The following ZFHX3 variants were observed in gnomAD, a reference collection of about 807,000 sequenced individuals.
The protein encoded by ZFHX3 is zinc finger homeobox 3, also known as zinc finger homeobox protein 3.
Under a neutral mutation model 279.1 loss-of-function variants are expected in ZFHX3, and 42 were observed. The ratio of observed to expected loss-of-function variants is 0.15; its 90% CI spans 0.12 to 0.19. The LOEUF (loss-of-function observed/expected upper bound fraction) is 0.19. Among genes scored for constraint, ZFHX3 ranks in the 10% least tolerant of loss-of-function variants. The pLI is 1.00. For synonymous variants in ZFHX3, 2,293 were observed against 1,957.8 expected (o/e 1.17, Z -4.52); for missense variants, 4,981 against 4,754.0 (o/e 1.05, Z -1.40).
At chr16:73,169,285 A>G (rs1054534979) in intron 5 of ZFHX3, among the ~76,000 whole-genome samples, 7 of 152,202 alleles carry the variant, frequency 4.6e-5, no homozygotes, top group African/African-American at 1.7e-4. Context: ...CTAAGGGCAT[A>G]CTCTGAACTT....
chr16:73,407,830 A>C (rs906911105), intron 3 of ZFHX3, among the ~76,000 whole-genome samples: 13 of 152,230 alleles, frequency 8.5e-5, no homozygotes, highest in African/African-American at 3.1e-4. Flanking sequence ...TCAAAGACAG[A>C]CAGCCTGGGG....
intron 2 of ZFHX3, among the ~76,000 whole-genome samples, chr16:73,574,452 C>G (rs2051778133): frequency 6.6e-6 from 1 of 152,140 alleles, no homozygotes; most frequent in African/African-American, 2.4e-5. Flanking sequence ...TTTATTTGCC[C>G]ATCTCTGGAT....
At chr16:73,058,675 C>A in exon 1 of ZFHX3, 1 of 228,262 alleles carries the variant, frequency 4.4e-6, no homozygotes, top group Non-Finnish European at 8.2e-6. Flanking sequence ...CGGGGGTCGG[C>A]GGCGGCGGAG....
chr16:72,814,672 G>C (rs1474775419), intron 5 of ZFHX3, among the ~76,000 whole-genome samples: 1 of 149,208 alleles, frequency 6.7e-6, no homozygotes, highest in Non-Finnish European at 1.5e-5. Flanking sequence ...TTGTGAGCTT[G>C]AGCTAAGGAC....
At chr16:72,835,689 T>C (rs1418996060) in intron 4 of ZFHX3, among the ~76,000 whole-genome samples, 1 of 151,966 alleles carries the variant, frequency 6.6e-6, no homozygotes, top group African/African-American at 2.4e-5. Flanking sequence ...TTTGCTGGTG[T>C]CTCTGTGGTG....
intron 3 of ZFHX3, among the ~76,000 whole-genome samples, chr16:72,933,919 T>C (rs990711401): frequency 1.3e-5 from 2 of 149,940 alleles, no homozygotes; most frequent in Non-Finnish European, 3.0e-5. Flanking sequence ...CCCGGGTTCA[T>C]GCCATTCTCC....
chr16:72,958,342 C>G lies in ZFHX3; in HGVS notation c.1804G>C (p.Ala602Pro), dbSNP rs1188637708. ...DESANKDNATAPEPNESTEGD... is the reference protein window; with the variant it reads ...DESANKDNATPPEPNESTEGD... ...TCTGTGCTTTCATTTGGTTCTGGTGCTGTGGCATTGTCTTTATTGGCACTT... is the reference window on the plus strand; with the variant it reads ...TCTGTGCTTTCATTTGGTTCTGGTGGTGTGGCATTGTCTTTATTGGCACTT... The change falls in exon 2 of 10, where the codon GCA becomes CCA. Residue 602 changes from alanine (A) to proline (P), a missense_variant. By Grantham distance (27) the Ala-to-Pro change is conservative. Coordinates refer to ENST00000268489, the MANE Select transcript of ZFHX3 (RefSeq NM_006885.4). 1 of 1,614,084 alleles carries G rather than the reference C, an allele frequency of 6.2e-7. No individual in the cohort carries two copies. Among genetic ancestry groups the G allele is most frequent in the Admixed American group, 1.7e-5 (1 of 60,018 alleles).
intron 2 of ZFHX3, among the ~76,000 whole-genome samples, chr16:73,643,348 G>T (rs1388189085): frequency 1.3e-5 from 2 of 152,154 alleles, no homozygotes; most frequent in Non-Finnish European, 2.9e-5. Context: ...TAAGGGTGAT[G>T]ATTTCCCTCA....
intron 1 of ZFHX3, among the ~76,000 whole-genome samples, chr16:73,882,938 T>C (rs916692752): frequency 4.6e-5 from 7 of 152,100 alleles, no homozygotes. Context: ...AACATACTTG[T>C]CCCTGCTGTC....
At chr16:73,276,372 C>T (rs748864770) in intron 4 of ZFHX3, among the ~76,000 whole-genome samples, 7 of 151,626 alleles carry the variant, frequency 4.6e-5, no homozygotes, top group African/African-American at 9.7e-5. Context: ...TTAGTAGAGA[C>T]GGGGTTTCAC....
At chr16:73,453,794 C>T (rs116585163) in intron 3 of ZFHX3, among the ~76,000 whole-genome samples, 5,403 of 152,196 alleles carry the variant, frequency 0.036, 267 homozygotes, top group East Asian at 0.26. Context: ...TCTTACATGG[C>T]GGCAGATAAG....
chr16:73,579,897 T>G (rs571764156), intron 2 of ZFHX3, among the ~76,000 whole-genome samples: 277 of 142,086 alleles, frequency 1.9e-3, no homozygotes, highest in Middle Eastern at 7.2e-3. Flanking sequence ...TATAATGTAT[T>G]AATATAATGT....
intron 2 of ZFHX3, among the ~76,000 whole-genome samples, chr16:73,527,652 C>A (rs1238763591): frequency 6.6e-6 from 1 of 152,190 alleles, no homozygotes; most frequent in Non-Finnish European, 1.5e-5. Context: ...TTCTGTCTTC[C>A]TTGCTCTCTT....
Position 72,900,141 on chromosome 16 carries a change from A to G in ZFHX3, c.3217-10179T>C, listed in dbSNP as rs1482288952. On this transcript the variant is annotated intron_variant, in intron 3 of 9. Coordinates refer to ENST00000268489, the MANE Select transcript of ZFHX3 (RefSeq NM_006885.4). ...GCTTAAGCCCATGCCCTTGCCAAAA[A>G]AAAAAAAAAAAAAACAAGAAGTGTT... is the stretch of plus-strand genomic sequence containing the variant. 2.0e-5 allele frequency among the ~76,000 whole-genome samples: 3 copies of G among 151,682 alleles called. No homozygotes were observed. In the East Asian group the frequency reaches 5.8e-4, roughly 29 times the overall value.
intron 1 of ZFHX3, among the ~76,000 whole-genome samples, chr16:72,982,165 G>C (rs964822305): frequency 6.6e-6 from 1 of 151,846 alleles, no homozygotes; most frequent in East Asian, 2.0e-4. Context: ...TTACAGGAGT[G>C]AGCCACAGCG....
chr16:73,094,869 C>A lies in ZFHX3; in HGVS notation c.-896-1271G>T, dbSNP rs1183962. On this transcript the variant is annotated intron_variant, in intron 7 of 17. Coordinates refer to the ZFHX3 transcript ENST00000641206. Reference sequence around the variant, plus strand: ...GGACTGCAGATGTACACCGTCATGTCCGGCTAATTTTTGTATTTTTATAGA... The same window carrying A: ...GGACTGCAGATGTACACCGTCATGTACGGCTAATTTTTGTATTTTTATAGA... Among the ~76,000 whole-genome samples, 645 of 152,134 alleles carry A rather than the reference C, an allele frequency of 4.2e-3. 2 individuals carry two copies. Among genetic ancestry groups the A allele is most frequent in the Middle Eastern group, 0.014 (4 of 294 alleles).
chr16:73,101,539 C>T lies in ZFHX3; in HGVS notation c.-896-7941G>A, dbSNP rs193033902. On this transcript the variant is annotated intron_variant, in intron 7 of 17. Coordinates refer to the ZFHX3 transcript ENST00000641206. ...GACAACAGGCAAGCGCCACCACGCCCAGCTAATTTTTTAAATTTTTTTAAA... is the reference window on the plus strand; with the variant it reads ...GACAACAGGCAAGCGCCACCACGCCTAGCTAATTTTTTAAATTTTTTTAAA... 1.7e-4 allele frequency among the ~76,000 whole-genome samples: 26 copies of T among 151,920 alleles called. No individual in the cohort carries two copies. The East Asian group carries it at 1.9e-3, about 11-fold the overall frequency.
chr16:73,579,738 G>A (rs2051838103), intron 2 of ZFHX3, among the ~76,000 whole-genome samples: 1 of 149,422 alleles, frequency 6.7e-6, no homozygotes, highest in African/African-American at 2.5e-5. Flanking sequence ...TCCTGACCTC[G>A]TGATCCACCC....
intron 2 of ZFHX3, among the ~76,000 whole-genome samples, chr16:73,558,071 A>G (rs1272340222): frequency 6.6e-6 from 1 of 152,240 alleles, no homozygotes; most frequent in Non-Finnish European, 1.5e-5. Context: ...TTAAAGGAAG[A>G]GAGAACAGCA....
Sources: allele counts gnomAD v4.1 joint callset (sites outside exome capture counted in the v4.1 genomes callset), GRCh38; gene constraint gnomAD v4.1.1; transcripts MANE v1.5; gene names NCBI Gene and HGNC (gene_info 2026-07-23, HGNC 2026-07-21).